SLC47A2: variants seen among roughly 807,000 people sequenced by gnomAD.
SLC47A2 encodes solute carrier family 47 member 2.
In SLC47A2, 52 loss-of-function variants were observed where a neutral mutation model predicts 67.7. That is an observed-to-expected ratio of 0.77 (90% CI 0.61 to 0.97). The LOEUF is 0.97. Ranked by LOEUF, SLC47A2 falls within the 50% of genes least tolerant of loss-of-function variation. The probability of loss-of-function intolerance (pLI) is 0.00; values close to 1 mark genes in which losing one functional copy is unlikely to be tolerated. For missense variants in SLC47A2, 676 were observed against 712.3 expected (o/e 0.95, Z 0.58); for synonymous variants, 278 against 292.9 (o/e 0.95, Z 0.52).
chr17:19,707,954 G>A, intron 7 of SLC47A2, 111 bp from the exon 8 acceptor site: 1 of 1,015,908 alleles, frequency 9.8e-7, no homozygotes, highest in Non-Finnish European at 1.5e-6. Flanking sequence ...GCATGGCTCT[G>A]CTCTTCCCCC....
chr17:19,697,858 G>A (rs1174004525), intron 13 of SLC47A2, among the ~76,000 whole-genome samples: 1 of 151,694 alleles, frequency 6.6e-6, no homozygotes, highest in Non-Finnish European at 1.5e-5. Context: ...GCCTCCCAAA[G>A]TGATGGTTTT....
chr17:19,707,898 C>T, intron 7 of SLC47A2, 55 bp from the exon 8 acceptor site: 2 of 1,499,894 alleles, frequency 1.3e-6, no homozygotes, highest in South Asian at 2.4e-5. Flanking sequence ...TGCCACCGCC[C>T]TGCCTGAGAG....
chr17:19,715,693 TTTTGTTTTTTTTG>T (rs1486577052), intron 1 of SLC47A2: 2 of 108,264 alleles, frequency 1.8e-5, no homozygotes, highest in African/African-American at 6.8e-5. Context: ...TCCTTTTTGG[TTTTGTTTTTTTTG>T]TTTTTTTTTT....
At chr17:19,706,852 G>A (rs2085953680) in intron 8 of SLC47A2, 91 bp from the exon 9 acceptor site, 15 of 924,708 alleles carry the variant, frequency 1.6e-5, no homozygotes, top group Non-Finnish European at 2.5e-5. Flanking sequence ...AAACCCCTTT[G>A]GCTCTTCCTG....
chr17:19,681,530 C>G lies in SLC47A2; in HGVS notation c.1297+8G>C, dbSNP rs754441994. 1.1e-5 allele frequency: 17 copies of G among 1,614,234 alleles called. No individual in the cohort carries two copies. The South Asian group carries it at 1.9e-4, about 18-fold the overall frequency. On this transcript the variant is annotated splice_region_variant and intron_variant, in intron 14 of 16. Coordinates refer to ENST00000433844, the MANE Select transcript of SLC47A2 (RefSeq NM_001099646.3). The stretch of plus-strand genomic sequence containing the variant: ...CCAGGCCTCTCCCGACTTCCTCACA[C>G]CACATACCCATGATTCTCATTCTGA...
Position 19,708,453 on chromosome 17 carries a change from T to C in SLC47A2, c.532-54A>G, listed in dbSNP as rs767922666. On this transcript the variant is annotated intron_variant, in intron 6 of 16. Transcript: ENST00000433844. ...AGGTGTGAGTGAGATGGATGGAGGA[T>C]GGACAAACCCGGGGTTTGGAATGGG... The C allele has an allele frequency of 1.2e-6, 2 of 1,614,112 alleles. No individual in the cohort carries two copies. The highest frequency in any genetic ancestry group is 3.3e-5 in the Admixed American group (2 of 60,022).
rs141545370 is a variant in SLC47A2, at chr17:19,708,310, C to T, written c.621G>A (p.Leu207=). 63 of 1,612,748 alleles carry T rather than the reference C, an allele frequency of 3.9e-5. No individual in the cohort carries two copies. Among genetic ancestry groups the T allele is most frequent in the Non-Finnish European group, 5.2e-5 (61 of 1,180,018 alleles). ...ANYALVSVLN[L]GVRGSAYANI... is the part of the protein sequence containing the mutation. Reference sequence around the variant, plus strand: ...CCAGCCCCCGGGCTCACCTGACCCCCAGGTTCAGCACAGAAACCAGGGCAT... The same window carrying T: ...CCAGCCCCCGGGCTCACCTGACCCCTAGGTTCAGCACAGAAACCAGGGCAT... The change falls in exon 7 of 17, where the codon CTG becomes CTA. Residue 207 remains leucine, a synonymous_variant. Coordinates refer to ENST00000433844, the MANE Select transcript of SLC47A2 (RefSeq NM_001099646.3).
rs2086175379 is a variant in SLC47A2, at chr17:19,713,917, C to T, written c.351G>A (p.Leu117=). The change falls in exon 4 of 17, where the codon CTG becomes CTA. Residue 117 remains leucine (L), a synonymous_variant. Coordinates refer to ENST00000433844, the MANE Select transcript of SLC47A2 (RefSeq NM_001099646.3). ...AAGGGAGGCAGCAGAGGAGCAGGAC[C>T]AGCGCGCCCCGCTGCAGGATCACGC... The part of the protein sequence containing the change: ...HVGVILQRGA[L]VLLLCCLPCW... 6.2e-7 allele frequency: 1 copy of T among 1,613,674 alleles called. No homozygotes were observed. Among genetic ancestry groups the T allele is most frequent in the Admixed American group, 1.7e-5 (1 of 60,018 alleles).
intron 13 of SLC47A2, among the ~76,000 whole-genome samples, chr17:19,689,051 A>T (rs1294240250): frequency 2.6e-5 from 4 of 151,452 alleles, no homozygotes; most frequent in Admixed American, 2.6e-4. Flanking sequence ...TTTAGTAGAG[A>T]TGTACCACCA....
At chr17:19,702,969 A>C in intron 12 of SLC47A2, 123 bp downstream of exon 12, 1 of 1,124,718 alleles carries the variant, frequency 8.9e-7, no homozygotes, top group South Asian at 1.4e-5. Context: ...AGTGAGAGCC[A>C]AGCCTGGGCT....
At chr17:19,714,685 G>A (rs778306692) in intron 3 of SLC47A2, 36 bp downstream of exon 3, 2 of 1,612,310 alleles carry the variant, frequency 1.2e-6, no homozygotes, top group East Asian at 2.2e-5. Flanking sequence ...CTCTGCCCTT[G>A]CCTGGCTTCC....
upstream of SLC47A2, chr17:19,716,671 G>A (rs2086278267): frequency 7.1e-7 from 1 of 1,408,494 alleles, no homozygotes; most frequent in Non-Finnish European, 9.3e-7. Context: ...TGATGAGTAA[G>A]GGGCAGGAGG....
chr17:19,704,516 AAAGC>A, intron 10 of SLC47A2: 1 of 907,652 alleles, frequency 1.1e-6, no homozygotes, highest in Admixed American at 2.9e-5. Flanking sequence ...TAGTCCCAGA[AAAGC>A]TCCCTGTAAG....
At chr17:19,703,893 A>G (rs2085855533) in intron 11 of SLC47A2, among the ~76,000 whole-genome samples, 177 bp downstream of exon 11, 1 of 152,180 alleles carries the variant, frequency 6.6e-6, no homozygotes, top group Non-Finnish European at 1.5e-5. Flanking sequence ...AGGGAGGGGC[A>G]GCTGTCAGCT....
chr17:19,705,471 C>G lies in SLC47A2; in HGVS notation c.874G>C (p.Ala292Pro). 6.2e-7 allele frequency: 1 copy of G among 1,611,922 alleles called. No individual in the cohort carries two copies. Among genetic ancestry groups the G allele is most frequent in the Non-Finnish European group, 8.5e-7 (1 of 1,179,434 alleles). Residue 292 changes from alanine to proline, a missense_variant, in exon 10 of 17, where the codon GCT becomes CCT. Ala to Pro is a conservative substitution (Grantham distance 27). Coordinates refer to ENST00000433844, the MANE Select transcript of SLC47A2 (RefSeq NM_001099646.3). ...ACAGTGGCCACCTCGTAGATGACAG[C>G]CTGGGCAGAGAGATCCACCACACTG... Reference protein sequence around the residue: ...LLSVVDLSAQAVIYEVATVTY... With the variant: ...LLSVVDLSAQPVIYEVATVTY...
chr17:19,685,142 A>G lies in SLC47A2; in HGVS notation c.1165-3472T>C, dbSNP rs928698402. ...ATTGCAGACGGAGTCTCGCTCACTC[A>G]ATGCTCAATGTTGCCCAGGCTGGAG... On this transcript the variant is annotated intron_variant, in intron 13 of 16. Transcript: ENST00000433844. This position sits in a 1 kb window ranked among gnomAD's most constrained non-coding sequence, Gnocchi z 4.5. Among the ~76,000 whole-genome samples the G allele has an allele frequency of 6.6e-6, 1 of 151,988 alleles. No individual in the cohort carries two copies. Among genetic ancestry groups the G allele is most frequent in the Non-Finnish European group, 1.5e-5 (1 of 68,000 alleles).
At chr17:19,687,170 A>C (rs1703568325) in intron 13 of SLC47A2, among the ~76,000 whole-genome samples, 3 of 152,212 alleles carry the variant, frequency 2.0e-5, no homozygotes, top group Admixed American at 2.0e-4. Flanking sequence ...AAACACATGG[A>C]AATTAATATG....
In SLC47A2 at chr17:19,678,693, C is replaced by T. The variant is rs1363070326; in HGVS notation, c.1694G>A (p.Arg565Lys). 2.5e-6 allele frequency: 4 copies of T among 1,612,064 alleles called. No individual in the cohort carries two copies. The highest frequency in any genetic ancestry group is 1.7e-5 in the Admixed American group (1 of 60,002). ...VGLTVRILAT[R>K]H is the part of the protein sequence containing the mutation. ...TATTTCCAAGCTTCTTTGCTAGTGC[C>T]TGGTGGCTAGGATCCTGACCGTGAG... Residue 565 changes from arginine to lysine, a missense_variant, in exon 17 of 17, where the codon AGG (arginine) becomes AAG (lysine). Transcript: ENST00000433844.
At position 19,690,755 on chromosome 17, in the gene SLC47A2, C is replaced by T. The variant is rs138097469; in HGVS notation, c.1165-9085G>A. ...TCAAAACTACAATGAGATATCATCTCACCCCAGTTAAAATGGCTTCTATTC... is the reference window on the plus strand; with the variant it reads ...TCAAAACTACAATGAGATATCATCTTACCCCAGTTAAAATGGCTTCTATTC... On this transcript the variant is annotated intron_variant, in intron 13 of 16. Coordinates refer to ENST00000433844, the MANE Select transcript of SLC47A2 (RefSeq NM_001099646.3). Among the ~76,000 whole-genome samples, 291 of 152,232 alleles carry T rather than the reference C, an allele frequency of 1.9e-3. 1 individual carries two copies. Among genetic ancestry groups the T allele is most frequent in the African/African-American group, 6.9e-3 (286 of 41,554 alleles).
Sources: allele counts gnomAD v4.1 joint callset (sites outside exome capture counted in the v4.1 genomes callset), GRCh38; gene constraint gnomAD v4.1.1; non-coding constraint Gnocchi (gnomAD v3.1); transcripts MANE v1.5; gene names NCBI Gene and HGNC (gene_info 2026-07-23, HGNC 2026-07-21).